Variants in ANXA8 observed in about 807,000 individuals in gnomAD.
The protein encoded by ANXA8 is VAC-beta.
ANXA8 carries 9 observed loss-of-function variants against 26.8 expected under a neutral mutation model. The observed-to-expected ratio is 0.34, with a 90% CI of 0.20 to 0.59. The LOEUF (loss-of-function observed/expected upper bound fraction) is 0.59, where lower values mean the gene tolerates loss of function less well. ANXA8 is among the 20% of genes least tolerant of loss of function. ANXA8 has a pLI of 0.84. For synonymous variants in ANXA8, 39 were observed against 94.8 expected (o/e 0.41, Z 3.42); for missense variants, 83 against 238.5 (o/e 0.35, Z 4.29).
chr10:47,561,666 G>A, the ANXA8 span, among the ~76,000 whole-genome samples: 5 of 151,664 alleles, frequency 3.3e-5, no homozygotes, highest in Admixed American at 1.3e-4. Flanking sequence ...CAGAATATTC[G>A]TATATTAATT....
chr10:47,970,030 G>C, the ANXA8 span: 1 of 151,436 alleles, frequency 6.6e-6, no homozygotes. Context: ...GGAAGAACAG[G>C]AGAGGAGGAA....
the ANXA8 span, chr10:47,715,864 T>G: frequency 1.2e-6 from 1 of 865,294 alleles, no homozygotes; most frequent in Non-Finnish European, 1.8e-6. Context: ...TCAGGTAAGA[T>G]TTTTATATAC....
chr10:47,956,987 G>A, the ANXA8 span, among the ~76,000 whole-genome samples: 3 of 150,446 alleles, frequency 2.0e-5, no homozygotes, highest in East Asian at 2.0e-4. Flanking sequence ...TCTTTCCAAA[G>A]TATCCTTCCC....
At chr10:47,702,735 G>GCC in the ANXA8 span, among the ~76,000 whole-genome samples, 1 of 151,790 alleles carries the variant, frequency 6.6e-6, no homozygotes, top group Non-Finnish European at 1.5e-5. Context: ...CTGGGCTCAA[G>GCC]CCAGCCTCCC....
chr10:47,553,580 AGGGACC>A, the ANXA8 span: 10 of 161,334 alleles, frequency 6.2e-5, no homozygotes, highest in African/African-American at 2.4e-4. Context: ...GCAGAAAAAA[AGGGACC>A]GCCGCCTGGA....
At chr10:47,597,720 C>A in the ANXA8 span, among the ~76,000 whole-genome samples, 1 of 115,072 alleles carries the variant, frequency 8.7e-6, no homozygotes, top group Non-Finnish European at 1.7e-5. Flanking sequence ...GGTAAAAGAT[C>A]TCTTTAAGTA....
chr10:47,705,936 G>T, the ANXA8 span, among the ~76,000 whole-genome samples: 1 of 150,426 alleles, frequency 6.6e-6, no homozygotes, highest in African/African-American at 2.4e-5. Context: ...ATTTCGGGGG[G>T]CGGAGGCGGC....
At chr10:47,695,453 G>A in the ANXA8 span, among the ~76,000 whole-genome samples, 3 of 151,778 alleles carry the variant, frequency 2.0e-5, no homozygotes, top group African/African-American at 4.8e-5. Flanking sequence ...TACTTGATTA[G>A]CAGCATAGCA....
At chr10:47,915,261 G>GA in the ANXA8 span, among the ~76,000 whole-genome samples, 3 of 141,204 alleles carry the variant, frequency 2.1e-5, no homozygotes, top group African/African-American at 8.0e-5. Flanking sequence ...CTGGATCTGA[G>GA]AAACTCAACC....
the ANXA8 span, among the ~76,000 whole-genome samples, chr10:47,969,605 G>A: frequency 2.7e-5 from 4 of 146,264 alleles, no homozygotes; most frequent in East Asian, 5.8e-4. Context: ...AGCAGGTGTG[G>A]CTTCACTCTG....
the ANXA8 span, among the ~76,000 whole-genome samples, chr10:47,532,999 CA>C: frequency 2.7e-4 from 29 of 105,698 alleles, no homozygotes; most frequent in Non-Finnish European, 5.0e-4. Flanking sequence ...AATAAGGGAT[CA>C]AAAGGGTCTT....
the ANXA8 span, among the ~76,000 whole-genome samples, chr10:47,735,018 T>TA: frequency 1.0e-3 from 119 of 115,104 alleles, no homozygotes; most frequent in Middle Eastern, 8.8e-3. Flanking sequence ...AGACTCTGTT[T>TA]AAAAAAAAAA....
the ANXA8 span, among the ~76,000 whole-genome samples, chr10:47,766,106 A>G: frequency 2.1e-5 from 3 of 143,736 alleles, no homozygotes; most frequent in Non-Finnish European, 4.5e-5. Flanking sequence ...GGCCTCCATG[A>G]AGGCAGGGGG....
the ANXA8 span, among the ~76,000 whole-genome samples, chr10:47,944,993 C>G: frequency 6.7e-6 from 1 of 150,116 alleles, no homozygotes; most frequent in Non-Finnish European, 1.5e-5. Context: ...GATTTTGTAT[C>G]TGCAGTTTCC....
At chr10:47,943,100 TA>T in the ANXA8 span, among the ~76,000 whole-genome samples, 1 of 146,316 alleles carries the variant, frequency 6.8e-6, no homozygotes, top group Non-Finnish European at 1.5e-5. Context: ...AGTGTTAGGA[TA>T]GGGGTCTGTA....
the ANXA8 span, among the ~76,000 whole-genome samples, chr10:47,951,097 T>C: frequency 2.0e-5 from 3 of 149,694 alleles, no homozygotes; most frequent in Non-Finnish European, 3.0e-5. Flanking sequence ...ACATCACTAA[T>C]AAAAGAGGGA....
At chr10:47,522,217 T>C in the ANXA8 span, among the ~76,000 whole-genome samples, 4 of 141,878 alleles carry the variant, frequency 2.8e-5, 1 homozygote, top group African/African-American at 7.9e-5. Flanking sequence ...ATATTACACA[T>C]TAAAAGTCTA....
At chr10:47,768,179 C>A in the ANXA8 span, among the ~76,000 whole-genome samples, 1 of 151,414 alleles carries the variant, frequency 6.6e-6, no homozygotes, top group African/African-American at 2.4e-5. Flanking sequence ...GGGATCTTTT[C>A]AGCAAGGGCC....
chr10:47,521,985 C>A, the ANXA8 span, among the ~76,000 whole-genome samples: 1 of 150,866 alleles, frequency 6.6e-6, no homozygotes, highest in African/African-American at 2.5e-5. Context: ...CAGCGTTTCA[C>A]CATGTTGGCC....
Sources: allele counts gnomAD v4.1 joint callset (sites outside exome capture counted in the v4.1 genomes callset), GRCh38; gene constraint gnomAD v4.1.1; transcripts MANE v1.5; gene names NCBI Gene and HGNC (gene_info 2026-07-23, HGNC 2026-07-21).